The following TCF12 variants were observed in gnomAD, a reference collection of about 807,000 sequenced individuals.
TCF12 encodes the protein DNA-binding protein HTF4.
Under a neutral mutation model 86.0 loss-of-function variants are expected in TCF12, and 45 were observed. The ratio of observed to expected loss-of-function variants is 0.52; its 90% CI spans 0.41 to 0.67. The LOEUF is 0.67. Ranked by LOEUF, TCF12 falls within the 30% of genes least tolerant of loss-of-function variation. TCF12 has a pLI of 0.00. For missense variants in TCF12, 881 were observed against 859.9 expected (o/e 1.02, Z -0.31); for synonymous variants, 330 against 299.6 (o/e 1.10, Z -1.05).
intron 5 of TCF12, among the ~76,000 whole-genome samples, chr15:57,142,599 A>C (rs2053059309): frequency 6.6e-6 from 1 of 152,264 alleles, no homozygotes; most frequent in African/African-American, 2.4e-5. Context: ...TATATAAATT[A>C]TGCTGATAAA....
intron 13 of TCF12, among the ~76,000 whole-genome samples, chr15:57,244,148 G>A (rs761612700): frequency 2.6e-5 from 4 of 152,126 alleles, no homozygotes; most frequent in Non-Finnish European, 5.9e-5. Context: ...CAAAATGCTG[G>A]GATTACAGGT....
chr15:56,954,166 G>T lies in TCF12; in HGVS notation c.148+33068G>T, dbSNP rs573930345. Among the ~76,000 whole-genome samples the T allele has an allele frequency of 3.2e-4, 49 of 151,858 alleles. 1 individual carries two copies. In the South Asian group the frequency reaches 7.3e-3, roughly 23 times the overall value. The stretch of plus-strand genomic sequence containing the variant: ...CATTTCATTTTTCTTTAACTTACGG[G>T]TTATTTAGAAGTGTGTTATTCATGC... On this transcript the variant is annotated intron_variant, in intron 3 of 20. Coordinates refer to ENST00000333725, the MANE Select transcript of TCF12 (RefSeq NM_207037.2).
intron 6 of TCF12, among the ~76,000 whole-genome samples, chr15:57,168,706 C>T (rs1006979310): frequency 8.5e-5 from 13 of 152,142 alleles, no homozygotes; most frequent in Admixed American, 8.5e-4. Context: ...GGCCACCTAA[C>T]CATCATTCTT....
At chr15:57,209,377 A>G (rs1364683894) in intron 8 of TCF12, among the ~76,000 whole-genome samples, 1 of 152,222 alleles carries the variant, frequency 6.6e-6, no homozygotes, top group Non-Finnish European at 1.5e-5. Flanking sequence ...CATTAATTCT[A>G]CATTGTTTTA....
At chr15:57,127,052 A>T (rs2051711287) in intron 5 of TCF12, among the ~76,000 whole-genome samples, 1 of 147,592 alleles carries the variant, frequency 6.8e-6, no homozygotes, top group Non-Finnish European at 1.5e-5. Context: ...GCGTGATCTC[A>T]GCTCACTGCA....
chr15:57,001,342 T>G (rs1180159744), intron 3 of TCF12: 1 of 180,622 alleles, frequency 5.5e-6, no homozygotes, highest in Non-Finnish European at 1.2e-5. Flanking sequence ...TGTATTATTT[T>G]TTGTAGGTTT....
At chr15:57,251,992 G>C (rs146701405) in intron 14 of TCF12, among the ~76,000 whole-genome samples, 1 of 152,196 alleles carries the variant, frequency 6.6e-6, no homozygotes, top group African/African-American at 2.4e-5. Flanking sequence ...TGAGCGTGAA[G>C]AATTTGTGGG....
chr15:57,229,473 A>G (rs1199574651), intron 8 of TCF12, among the ~76,000 whole-genome samples: 1 of 149,590 alleles, frequency 6.7e-6, no homozygotes, highest in Non-Finnish European at 1.5e-5. Flanking sequence ...GGGATGTGAA[A>G]GGTAGGAAAC....
chr15:57,263,371 G>A (rs2060680984), intron 18 of TCF12, 97 bp downstream of exon 18: 2 of 1,258,904 alleles, frequency 1.6e-6, no homozygotes, highest in Non-Finnish European at 2.2e-6. Context: ...TGTCAGCTAT[G>A]TTCTAGATAT....
upstream of TCF12, chr15:56,918,259 G>A (rs1392129542): frequency 4.4e-6 from 2 of 456,242 alleles, no homozygotes; most frequent in Admixed American, 2.3e-5. Flanking sequence ...GGAAGCTCGG[G>A]GACCTGGGCA....
At chr15:57,109,263 T>C (rs1244005346) in intron 5 of TCF12, 1 of 152,076 alleles carries the variant, frequency 6.6e-6, no homozygotes, top group Non-Finnish European at 1.5e-5. Flanking sequence ...TATGCCTCAG[T>C]GTGTGGAGTC....
chr15:57,084,377 T>C (rs1355315991), intron 4 of TCF12, among the ~76,000 whole-genome samples: 1 of 152,176 alleles, frequency 6.6e-6, no homozygotes, highest in Non-Finnish European at 1.5e-5. Context: ...TAGGATTTGA[T>C]GTAGTGCTAG....
intron 20 of TCF12, among the ~76,000 whole-genome samples, chr15:57,285,799 C>T (rs1174291663): frequency 1.3e-5 from 2 of 152,130 alleles, no homozygotes; most frequent in African/African-American, 4.8e-5. Context: ...TGTGGTGGTG[C>T]ACACCTGTAG....
chr15:57,086,305 T>TATACATATATATA (rs1380915298), intron 4 of TCF12, among the ~76,000 whole-genome samples: 2 of 151,396 alleles, frequency 1.3e-5, no homozygotes, highest in East Asian at 3.9e-4. Context: ...GCTACATATA[T>TATACATATATATA]TTACTTATTT....
chr15:57,102,414 A>G (rs568759333), intron 5 of TCF12, among the ~76,000 whole-genome samples: 24 of 152,294 alleles, frequency 1.6e-4, no homozygotes, highest in Non-Finnish European at 2.4e-4. Flanking sequence ...TTTGGCCAAC[A>G]TGGCAAAGCC....
intron 3 of TCF12, among the ~76,000 whole-genome samples, chr15:57,013,801 C>T (rs2064985802): frequency 6.6e-6 from 1 of 152,140 alleles, no homozygotes; most frequent in Non-Finnish European, 1.5e-5. Context: ...TTCTAAATTA[C>T]AAGTTGAATA....
chr15:57,154,197 C>T (rs1243236205), intron 5 of TCF12, among the ~76,000 whole-genome samples: 1 of 152,048 alleles, frequency 6.6e-6, no homozygotes, highest in Non-Finnish European at 1.5e-5. Context: ...CTCTGTTTTC[C>T]AGTGGTTTTT....
intron 4 of TCF12, chr15:57,072,630 T>C (rs1188693145): frequency 7.8e-7 from 1 of 1,285,760 alleles, no homozygotes; most frequent in Non-Finnish European, 1.0e-6. Flanking sequence ...TTTGAAATAG[T>C]ATTTTATGCC....
chr15:57,170,639 T>G lies in TCF12; in HGVS notation c.390+4173T>G, dbSNP rs2055254520. On this transcript the variant is annotated intron_variant, in intron 6 of 20. Transcript: ENST00000333725. ...ATGCCCTGCTAATTTTATATATATA[T>G]ATAATATATATATTATATAAAATAT... 1.1e-4 allele frequency among the ~76,000 whole-genome samples: 4 copies of G among 37,074 alleles called. 1 individual carries two copies. In the South Asian group the frequency reaches 3.3e-3, roughly 31 times the overall value. 24.3% of individuals were successfully genotyped at this position (37,074 alleles called of 152,430 possible).
Sources: gnomAD v4.1 joint callset for allele counts (sites outside exome capture counted in the v4.1 genomes callset) on GRCh38, gnomAD v4.1.1 for gene constraint, MANE v1.5 for transcripts, NCBI Gene and HGNC (gene_info 2026-07-23, HGNC 2026-07-21) for gene names.